Variants in LRMDA observed in about 807,000 individuals in gnomAD.
LRMDA encodes the protein leucine rich melanocyte differentiation associated.
In LRMDA, 18 loss-of-function variants were observed where a neutral mutation model predicts 29.8. The ratio of observed to expected loss-of-function variants is 0.60; its 90% CI spans 0.42 to 0.90. The LOEUF is 0.90. Ranked by LOEUF, LRMDA falls within the 40% of genes least tolerant of loss-of-function variation. The pLI, the probability that LRMDA is intolerant of heterozygous loss-of-function variation, is 0.00. For synonymous variants in LRMDA, 125 were observed against 109.4 expected, an observed-to-expected ratio of 1.14 and a Z score of -0.89; for missense variants, 273 against 273.9, an observed-to-expected ratio of 1.00 and a Z score of 0.02.
intron 2 of LRMDA, among the ~76,000 whole-genome samples, chr10:75,672,781 AG>A (rs1841914217): frequency 6.6e-6 from 1 of 150,440 alleles, no homozygotes; most frequent in African/African-American, 2.5e-5. Context: ...CATGTTGGCC[AG>A]GCTGGTCTCG....
intron 2 of LRMDA, among the ~76,000 whole-genome samples, chr10:75,542,315 G>A (rs866512412): frequency 6.6e-6 from 1 of 151,888 alleles, no homozygotes; most frequent in Admixed American, 6.6e-5. Context: ...CCCTTGGGAC[G>A]CTTAAAAGCA....
At chr10:75,637,397 CAGAG>C (rs920729243) in intron 2 of LRMDA, among the ~76,000 whole-genome samples, 1 of 151,952 alleles carries the variant, frequency 6.6e-6, no homozygotes, top group African/African-American at 2.4e-5. Flanking sequence ...GAGGCAGAGA[CAGAG>C]AGGGGGAGGG....
chr10:76,307,083 C>A (rs1840565287), intron 5 of LRMDA, among the ~76,000 whole-genome samples: 1 of 152,042 alleles, frequency 6.6e-6, no homozygotes, highest in Non-Finnish European at 1.5e-5. Flanking sequence ...GTGGTTGTTT[C>A]TTTTTCCATG....
intron 6 of LRMDA, among the ~76,000 whole-genome samples, chr10:76,540,003 C>CAT (rs1218392478): frequency 6.6e-6 from 1 of 151,754 alleles, no homozygotes; most frequent in Non-Finnish European, 1.5e-5. Context: ...CACACACACA[C>CAT]ACATTCCTTG....
chr10:76,352,589 T>A (rs1442425119), intron 6 of LRMDA, among the ~76,000 whole-genome samples: 1 of 152,102 alleles, frequency 6.6e-6, no homozygotes, highest in African/African-American at 2.4e-5. Flanking sequence ...TTCAAACTTA[T>A]GGATTGTTGA....
intron 5 of LRMDA, among the ~76,000 whole-genome samples, chr10:76,252,821 CT>C (rs1852509040): frequency 6.6e-6 from 1 of 152,152 alleles, no homozygotes; most frequent in Admixed American, 6.5e-5. Context: ...AAATCAGTGG[CT>C]TTAGAAAAAC....
chr10:76,514,291 C>T (rs1426734727), intron 6 of LRMDA, among the ~76,000 whole-genome samples: 1 of 152,126 alleles, frequency 6.6e-6, no homozygotes, highest in Non-Finnish European at 1.5e-5. Context: ...CCTGTTAGCC[C>T]ACCAAAAGCA....
In LRMDA at chr10:76,385,975, A is replaced by G. The variant is rs546333895; in HGVS notation, c.601+61490A>G. ...GTTTCTGGTAAATTTTACTGTAACA[A>G]GTAGCAATATAATGATATAACTTAA... On this transcript the variant is annotated intron_variant, in intron 6 of 6. Coordinates refer to ENST00000611255, the MANE Select transcript of LRMDA (RefSeq NM_001305581.2). Among the ~76,000 whole-genome samples the G allele has an allele frequency of 2.6e-4, 40 of 152,340 alleles. 1 individual carries two copies. In the South Asian group the frequency reaches 3.3e-3, roughly 13 times the overall value.
intron 2 of LRMDA, among the ~76,000 whole-genome samples, chr10:75,872,164 A>C (rs748973748): frequency 6.6e-6 from 1 of 151,944 alleles, no homozygotes; most frequent in Non-Finnish European, 1.5e-5. Flanking sequence ...ATGTTGCTTT[A>C]TTTTCTTTAT....
At chr10:75,569,018 C>T (rs1245323199) in intron 2 of LRMDA, among the ~76,000 whole-genome samples, 2 of 152,106 alleles carry the variant, frequency 1.3e-5, no homozygotes, top group Non-Finnish European at 2.9e-5. Flanking sequence ...TGCTGGGCTC[C>T]TCTTTGTTGT....
At chr10:75,749,547 C>A (rs1589185846) in intron 2 of LRMDA, among the ~76,000 whole-genome samples, 1 of 150,710 alleles carries the variant, frequency 6.6e-6, no homozygotes, top group Admixed American at 6.6e-5. Context: ...TATTGGGCCT[C>A]AGTGTAAAAT....
chr10:75,884,751 C>T (rs749975891), intron 2 of LRMDA, among the ~76,000 whole-genome samples: 11 of 152,196 alleles, frequency 7.2e-5, no homozygotes, highest in Non-Finnish European at 1.6e-4. Flanking sequence ...TCCAGATTTC[C>T]AAAGTGGTGG....
chr10:76,305,639 T>C (rs963937431), intron 5 of LRMDA, among the ~76,000 whole-genome samples: 37 of 152,332 alleles, frequency 2.4e-4, no homozygotes, highest in African/African-American at 8.7e-4. Context: ...TCAGGGAGAA[T>C]AAGGCTGCTA....
chr10:76,427,999 G>A (rs540854464), intron 6 of LRMDA, among the ~76,000 whole-genome samples: 7 of 152,030 alleles, frequency 4.6e-5, no homozygotes, highest in East Asian at 3.9e-4. Flanking sequence ...TCCTGGATTC[G>A]GTTTGCCAGT....
At chr10:75,784,757 A>G (rs1447790073) in intron 2 of LRMDA, among the ~76,000 whole-genome samples, 4 of 152,142 alleles carry the variant, frequency 2.6e-5, no homozygotes, top group African/African-American at 9.7e-5. Flanking sequence ...AAGTGGGTCA[A>G]CAGTCTCAAA....
At chr10:76,279,850 C>G (rs575019349) in intron 5 of LRMDA, among the ~76,000 whole-genome samples, 1 of 152,192 alleles carries the variant, frequency 6.6e-6, no homozygotes, top group Admixed American at 6.5e-5. Context: ...ACTCATGACA[C>G]TATGAGGTAG....
intron 2 of LRMDA, among the ~76,000 whole-genome samples, chr10:75,896,370 T>C (rs1439756732): frequency 6.6e-6 from 1 of 152,194 alleles, no homozygotes; most frequent in Non-Finnish European, 1.5e-5. Context: ...ATGAAACACT[T>C]AGAATAGCAC....
chr10:75,821,703 A>G (rs1252707110), intron 2 of LRMDA, among the ~76,000 whole-genome samples: 4 of 152,258 alleles, frequency 2.6e-5, no homozygotes, highest in Middle Eastern at 3.4e-3. Context: ...TGGGAGGCGG[A>G]GCTTGCAGTG....
chr10:75,592,284 G>C (rs982175444), intron 2 of LRMDA, among the ~76,000 whole-genome samples: 1 of 152,202 alleles, frequency 6.6e-6, no homozygotes, highest in Non-Finnish European at 1.5e-5. Context: ...TTGAATGACA[G>C]TTACTGGAGT....
Sources: gnomAD v4.1 joint callset for allele counts (sites outside exome capture counted in the v4.1 genomes callset) on GRCh38, gnomAD v4.1.1 for gene constraint, MANE v1.5 for transcripts, NCBI Gene and HGNC (gene_info 2026-07-23, HGNC 2026-07-21) for gene names.